Variants in SCFD1 observed in about 807,000 individuals in gnomAD.
SCFD1 encodes the protein sec1 family domain-containing protein 1.
SCFD1 carries 37 observed loss-of-function variants against 103.2 expected under a neutral mutation model. The observed-to-expected ratio is 0.36, with a 90% CI of 0.28 to 0.47. SCFD1 has a LOEUF of 0.47. Ranked by LOEUF, SCFD1 falls within the 20% of genes least tolerant of loss-of-function variation. The probability of loss-of-function intolerance (pLI) is 1.00; values close to 1 mark genes in which losing one functional copy is unlikely to be tolerated. For synonymous variants in SCFD1, 264 were observed against 245.0 expected (o/e 1.08, Z -0.73); for missense variants, 639 against 761.2 (o/e 0.84, Z 1.89).
chr14:30,655,414 A>T (rs1244446758), intron 10 of SCFD1, among the ~76,000 whole-genome samples: 1 of 152,160 alleles, frequency 6.6e-6, no homozygotes, highest in East Asian at 1.9e-4. Context: ...GACTCTAGGG[A>T]TTATAGTATA....
At chr14:30,667,528 T>G (rs1888103626) in intron 10 of SCFD1, among the ~76,000 whole-genome samples, 1 of 152,158 alleles carries the variant, frequency 6.6e-6, no homozygotes, top group South Asian at 2.1e-4. Context: ...CCACTCTTAT[T>G]CAACATAGTG....
intron 10 of SCFD1, among the ~76,000 whole-genome samples, chr14:30,667,906 C>G (rs569079246): frequency 6.6e-6 from 1 of 152,076 alleles, no homozygotes; most frequent in African/African-American, 2.4e-5. Flanking sequence ...TAAAAGAGGA[C>G]ACAAACAAAT....
chr14:30,706,713 C>T (rs1452264152), intron 18 of SCFD1, among the ~76,000 whole-genome samples: 1 of 152,146 alleles, frequency 6.6e-6, no homozygotes, highest in Non-Finnish European at 1.5e-5. Context: ...TCTGACTACT[C>T]TTTTTGGTAC....
intron 19 of SCFD1, among the ~76,000 whole-genome samples, chr14:30,712,207 T>C (rs1891932688): frequency 6.6e-6 from 1 of 152,178 alleles, no homozygotes. Flanking sequence ...CATCTAATTC[T>C]TTACTTGGCT....
rs779411259 is a variant in SCFD1 at position 30,675,036 on chromosome 14, G to A, written c.1213G>A (p.Val405Ile). ...KKRLIDLHTN[V>I]ATAVLEHIKA... ...AAGACTTATTGATCTCCATACAAAT[G>A]TTGCCACTGCTGTTTTAGAACATAT... is the stretch of plus-strand genomic sequence containing the variant. The change falls in exon 14 of 25, where the codon GTT becomes ATT. Residue 405 changes from valine (V) to isoleucine (I), a missense_variant. Transcript: ENST00000458591. The A allele has an allele frequency of 4.4e-6, 7 of 1,588,700 alleles. No individual in the cohort carries two copies. Among genetic ancestry groups the A allele is most frequent in the Non-Finnish European group, 6.0e-6 (7 of 1,168,866 alleles).
At chr14:30,664,575 G>A (rs1370129804) in intron 10 of SCFD1, among the ~76,000 whole-genome samples, 1 of 151,882 alleles carries the variant, frequency 6.6e-6, no homozygotes, top group African/African-American at 2.4e-5. Flanking sequence ...GCTTCAGAAA[G>A]TCGATAATAA....
At chr14:30,653,385 C>CTAT in intron 9 of SCFD1, 104 bp from the exon 10 acceptor site, 1 of 721,494 alleles carries the variant, frequency 1.4e-6, no homozygotes, top group East Asian at 2.7e-5. Context: ...TATTAGCATA[C>CTAT]TATTATTCAT....
intron 24 of SCFD1, chr14:30,735,212 T>G: frequency 3.5e-6 from 1 of 288,562 alleles, no homozygotes; most frequent in Non-Finnish European, 6.4e-6. Context: ...GGTTTTTCTT[T>G]TCCATCAATT....
In SCFD1 at chr14:30,638,213, C is replaced by T. The variant is rs746017762; in HGVS notation, c.401C>T (p.Ala134Val). The change falls in exon 5 of 25, where the codon GCG (alanine) becomes GTG (valine). Residue 134 changes from alanine (A) to valine (V), a missense_variant. By Grantham distance (64) the Ala-to-Val change is moderately conservative. Transcript: ENST00000458591. The stretch of plus-strand genomic sequence containing the variant: ...AAACTGGAAGATATTGCAAATGCAG[C>T]GTTAGCAGCTAGTGCAGTAACACAA... ...RSKLEDIANAALAASAVTQVA... is the reference protein window; with the variant it reads ...RSKLEDIANAVLAASAVTQVA... The T allele has an allele frequency of 1.2e-5, 19 of 1,612,656 alleles. No individual in the cohort carries two copies. Among genetic ancestry groups the T allele is most frequent in the East Asian group, 2.2e-5 (1 of 44,764 alleles).
rs776141632 is a variant in SCFD1, at chr14:30,705,824, G to A, written c.1492G>A (p.Ala498Thr). 2 of 1,612,952 alleles carry A rather than the reference G, an allele frequency of 1.2e-6. No homozygotes were observed. The highest frequency in any genetic ancestry group is 1.7e-6 in the Non-Finnish European group (2 of 1,179,242). Residue 498 changes from alanine to threonine, a missense_variant and splice_region_variant, in exon 18 of 25, where the codon GCT becomes ACT. By Grantham distance (58) the Ala-to-Thr change is moderately conservative (BLOSUM62 0). Coordinates refer to ENST00000458591, the MANE Select transcript of SCFD1 (RefSeq NM_016106.4). ...AAGTACAACTTCCTTCTTTCATAGG[G>A]CTTTTACCAAGATGGCCTCAGCTCC... ...NPLQYIKQWK[A>T]FTKMASAPAS...
intron 9 of SCFD1, 145 bp downstream of exon 9, chr14:30,650,795 T>C: frequency 1.9e-6 from 1 of 530,928 alleles, no homozygotes; most frequent in Non-Finnish European, 3.4e-6. Flanking sequence ...TGACTCATAT[T>C]GTTCTTAAAA....
intron 1 of SCFD1, among the ~76,000 whole-genome samples, chr14:30,627,849 T>A (rs1594546931): frequency 2.6e-5 from 3 of 116,592 alleles, no homozygotes; most frequent in East Asian, 2.6e-4. Flanking sequence ...ACTAGACCAC[T>A]CAGACTTAAA....
chr14:30,634,720 C>G, intron 4 of SCFD1: 1 of 438,518 alleles, frequency 2.3e-6, no homozygotes, highest in East Asian at 7.0e-5. Context: ...ATCAAAGACC[C>G]AGGCTCCTTC....
intron 15 of SCFD1, 114 bp downstream of exon 15, chr14:30,694,983 C>G: frequency 6.8e-7 from 1 of 1,469,894 alleles, no homozygotes; most frequent in Non-Finnish European, 9.0e-7. Context: ...ATGCTAATAT[C>G]AAGATAATTA....
chr14:30,722,542 CTTG>C lies in SCFD1; in HGVS notation c.1823_1825del (p.Val608del). On this transcript the variant is annotated inframe_deletion, in exon 23 of 25. Coordinates refer to ENST00000458591, the MANE Select transcript of SCFD1 (RefSeq NM_016106.4). ...AGGCAACTACATTGAATATCAGAAT[CTTG>C]TTGACTACATAAAGGTACATTTTAT... 4 of 1,599,750 alleles carry C rather than the reference CTTG, an allele frequency of 2.5e-6. No individual in the cohort carries two copies. The highest frequency in any genetic ancestry group is 3.4e-6 in the Non-Finnish European group (4 of 1,171,930).
intron 10 of SCFD1, among the ~76,000 whole-genome samples, chr14:30,664,891 C>G (rs1299700824): frequency 1.3e-5 from 2 of 152,076 alleles, no homozygotes; most frequent in African/African-American, 4.8e-5. Context: ...AAATGTGGGA[C>G]TATGTGAAAA....
Position 30,653,496 on chromosome 14 carries a change from A to T in SCFD1, c.763A>T (p.Arg255Trp). The T allele has an allele frequency of 1.9e-6, 3 of 1,608,526 alleles. No individual in the cohort carries two copies. The highest frequency in any genetic ancestry group is 2.6e-6 in the Non-Finnish European group (3 of 1,175,498). ...TTATATGTATATTTACAGCTTCCAG[A>T]GGCCCTTATTAGTCCTTGTTGACAG... ...TLGAGQFSFQRPLLVLVDRNI... is the reference protein window; with the variant it reads ...TLGAGQFSFQWPLLVLVDRNI... Residue 255 changes from arginine (R) to tryptophan (W), a missense_variant, in exon 10 of 25, where the codon AGG (arginine) becomes TGG (tryptophan). Transcript: ENST00000458591.
intron 10 of SCFD1, among the ~76,000 whole-genome samples, chr14:30,661,971 G>GT (rs1312826615): frequency 1.3e-5 from 2 of 151,984 alleles, no homozygotes; most frequent in Non-Finnish European, 2.9e-5. Flanking sequence ...TCTATCTTCT[G>GT]TTTAATATAT....
At chr14:30,674,936 C>A in intron 13 of SCFD1, 48 bp from the exon 14 acceptor site, 1 of 1,177,476 alleles carries the variant, frequency 8.5e-7, no homozygotes, top group South Asian at 1.5e-5. Flanking sequence ...AAGTCTATGT[C>A]ATTTTAGAAA....
Sources: gnomAD v4.1 joint callset for allele counts (sites outside exome capture counted in the v4.1 genomes callset) on GRCh38, gnomAD v4.1.1 for gene constraint, MANE v1.5 for transcripts, NCBI Gene and HGNC (gene_info 2026-07-23, HGNC 2026-07-21) for gene names.